The following RBMX variants were observed in gnomAD, a reference collection of about 807,000 sequenced individuals.
The protein encoded by RBMX is RNA-binding motif protein, X chromosome.
In RBMX, 1 loss-of-function variant was observed where a neutral mutation model predicts 29.3. That is an observed-to-expected ratio of 0.03 (90% CI 0.01 to 0.16). RBMX has a LOEUF of 0.16. Ranked by LOEUF, RBMX falls within the 10% of genes least tolerant of loss-of-function variation. The pLI, the probability that RBMX is intolerant of heterozygous loss-of-function variation, is 1.00. For missense variants in RBMX, 121 were observed against 333.2 expected, an observed-to-expected ratio of 0.36 and a Z score of 4.96; for synonymous variants, 102 against 102.3, an observed-to-expected ratio of 1.00 and a Z score of 0.02.
intron 2 of RBMX, 58 bp from the exon 3 acceptor site, chrX:136,879,181 AG>A (rs769638473): frequency 6.6e-6 from 8 of 1,208,592 alleles, no homozygotes; most frequent in Non-Finnish European, 7.8e-6. Context: ...AAATAACCAA[AG>A]TAAATGTGTA....
chrX:136,869,641 T>C (rs1361221499), downstream of RBMX: 2 of 111,320 alleles, frequency 1.8e-5, no homozygotes, highest in African/African-American at 6.5e-5. Flanking sequence ...AGTAGTAGGT[T>C]GTCAAATGAG....
intron 4 of RBMX, among the ~76,000 whole-genome samples, chrX:136,877,339 C>CCG (rs1556344059): frequency 2.3e-5 from 2 of 86,047 alleles, no homozygotes; most frequent in East Asian, 4.2e-4. Flanking sequence ...CCCCCCCCCC[C>CCG]CCAAAAAAAA....
rs755621649 is a variant in RBMX at position 136,879,428 on chromosome X, GT to G, written c.-2del. On this transcript the variant is annotated 5_prime_UTR_variant, in exon 2 of 9. Coordinates refer to ENST00000320676, the MANE Select transcript of RBMX (RefSeq NM_002139.4). ...TTCCTGGGCGATCTGCTTCAACCAT[GT>G]TTTTTTTTTTTTGGGCCGGTGAGTC... 8.9e-4 allele frequency: 977 copies of G among 1,098,128 alleles called. No homozygotes were observed. Among genetic ancestry groups the G allele is most frequent in the South Asian group, 2.3e-3 (109 of 47,308 alleles). The allele number at this position is 1,098,128 out of a possible 1,213,427, so 90.5% of individuals were successfully genotyped here. A position where few individuals can be genotyped will look rare whatever the true frequency, so the allele number is the denominator to read the frequency against.
downstream of RBMX, chrX:136,872,321 G>A (rs764246692): frequency 2.0e-5 from 23 of 1,165,684 alleles, no homozygotes; most frequent in South Asian, 3.8e-5. Flanking sequence ...AGCACTCCAC[G>A]ACCATAATGA....
rs758028459 is a variant in RBMX, at chrX:136,875,603, T to C, written c.542-18A>G. The stretch of plus-strand genomic sequence containing the variant: ...TACAGGAGCTTAAGGAAAAATATCA[T>C]TTTTTTAAACATAGCCAGAGAAAAA... On this transcript the variant is annotated intron_variant, in intron 5 of 8. Transcript: ENST00000320676. 1 of 1,194,714 alleles carries C rather than the reference T, an allele frequency of 8.4e-7. No homozygotes were observed. Among genetic ancestry groups the C allele is most frequent in the African/African-American group, 1.8e-5 (1 of 56,272 alleles).
Position 136,877,803 on chromosome X carries a change from T to C in RBMX, c.388+112A>G, listed in dbSNP as rs184455040. The C allele has an allele frequency of 2.0e-3, 1,403 of 710,634 alleles. 10 individuals are homozygous for C. The highest frequency in any genetic ancestry group is 9.3e-3 in the Middle Eastern group (29 of 3,127). The allele number at this position is 710,634 out of a possible 1,213,427, so 58.6% of individuals were successfully genotyped here. ...CACTTTGGTAGATGAACAAGTGTTG[T>C]CAATTTCAAAAGTTGGCACCTTTCC... On this transcript the variant is annotated intron_variant, in intron 4 of 8. Transcript: ENST00000320676.
At chrX:136,871,122 G>GA (rs906057834), downstream of RBMX, among the ~76,000 whole-genome samples, 339 of 88,896 alleles carry the variant, frequency 3.8e-3, 3 homozygotes, top group Middle Eastern at 0.029. Flanking sequence ...CAGAAGAGAA[G>GA]AAAAAAAAAA....
intron 4 of RBMX, among the ~76,000 whole-genome samples, chrX:136,876,986 G>A (rs182741534): frequency 9.3e-6 from 1 of 107,413 alleles, no homozygotes; most frequent in Admixed American, 9.9e-5. Context: ...TGCTGGGATT[G>A]CAGGTGTGAG....
At chrX:136,874,851 G>C (rs1036941032) in intron 8 of RBMX, 2 of 504,887 alleles carry the variant, frequency 4.0e-6, no homozygotes, top group Non-Finnish European at 5.8e-6. Context: ...AAACACATAA[G>C]GCTGCCAATT....
At chrX:136,876,716 GTTT>G (rs199725935) in intron 4 of RBMX, 61 bp from the exon 5 acceptor site, 26 of 806,427 alleles carry the variant, frequency 3.2e-5, no homozygotes, top group East Asian at 1.3e-4. Context: ...AGATATAAAA[GTTT>G]TTTTTTTTTT....
In RBMX at chrX:136,875,394, A is replaced by C; in HGVS notation, c.657-11T>G. ...TCTCTGCTTGAATAGCTACAAAGCA[A>C]AAGTTTTGGTTTATGCTTTTGATAA... On this transcript the variant is annotated splice_polypyrimidine_tract_variant and intron_variant, in intron 6 of 8. Transcript: ENST00000320676. 1 of 1,208,178 alleles carries C rather than the reference A, an allele frequency of 8.3e-7. No homozygotes were observed. Among genetic ancestry groups the C allele is most frequent in the Non-Finnish European group, 1.1e-6 (1 of 893,837 alleles).
At chrX:136,878,956 C>A in intron 3 of RBMX, 61 bp downstream of exon 3, 2 of 1,187,979 alleles carry the variant, frequency 1.7e-6, no homozygotes, top group Non-Finnish European at 1.1e-6. Flanking sequence ...CAGACTTGGA[C>A]AACTACATGT....
downstream of RBMX, among the ~76,000 whole-genome samples, chrX:136,870,916 G>A (rs1316133138): frequency 9.3e-6 from 1 of 108,060 alleles, no homozygotes; most frequent in East Asian, 2.9e-4. Flanking sequence ...AGACCAGCCT[G>A]GCCAACAGTG....
intron 2 of RBMX, 87 bp downstream of exon 2, chrX:136,879,232 T>C (rs763998421): frequency 8.4e-7 from 1 of 1,194,595 alleles, no homozygotes; most frequent in Non-Finnish European, 1.1e-6. Context: ...AAAAATACAT[T>C]ATCATGTCAG....
chrX:136,879,513 T>C, intron 1 of RBMX, 60 bp from the exon 2 acceptor site: 1 of 924,133 alleles, frequency 1.1e-6, no homozygotes, highest in Non-Finnish European at 1.5e-6. Context: ...ATTGGACACT[T>C]TTACTTTCGC....
Position 136,873,587 on chromosome X carries a change from G to A in RBMX, c.*555C>T, listed in dbSNP as rs2077697540. On this transcript the variant is annotated 3_prime_UTR_variant, in exon 9 of 9. Transcript: ENST00000320676. ...CAAGGAAATGTCAGAAAGGCAAAAT[G>A]GCCAGCATTATCCATTTGCTTTTTT... 11 of 755,054 alleles carry A rather than the reference G, an allele frequency of 1.5e-5. No homozygotes were observed. Among genetic ancestry groups the A allele is most frequent in the Non-Finnish European group, 1.3e-5 (8 of 639,445 alleles). The allele number at this position is 755,054 out of a possible 1,213,427, so 62.2% of individuals were successfully genotyped here. A position where few individuals can be genotyped will look rare whatever the true frequency, so the allele number is the denominator to read the frequency against.
chrX:136,872,533 A>T (rs1463564387), downstream of RBMX: 1 of 436,572 alleles, frequency 2.3e-6, no homozygotes, highest in Non-Finnish European at 4.0e-6. Context: ...GGAATGGCTT[A>T]AATTGTTAAG....
At chrX:136,879,489 A>T in intron 1 of RBMX, 36 bp from the exon 2 acceptor site, 1 of 1,063,791 alleles carries the variant, frequency 9.4e-7, no homozygotes, top group Non-Finnish European at 1.3e-6. Flanking sequence ...CACTGCAAAA[A>T]GTTCCTCAAG....
At chrX:136,878,963 A>G (rs1383882432) in intron 3 of RBMX, 54 bp downstream of exon 3, 21 of 1,192,989 alleles carry the variant, frequency 1.8e-5, no homozygotes, top group African/African-American at 5.3e-5. Flanking sequence ...GGACAACTAC[A>G]TGTTATTTTA....
Sources: allele counts gnomAD v4.1 joint callset (sites outside exome capture counted in the v4.1 genomes callset), GRCh38; gene constraint gnomAD v4.1.1; transcripts MANE v1.5; gene names NCBI Gene and HGNC (gene_info 2026-07-23, HGNC 2026-07-21).